Variants in PCDH15 observed in about 807,000 individuals in gnomAD.
PCDH15 encodes protocadherin related 15.
A neutral mutation model predicts 178.5 loss-of-function variants in PCDH15; 129 were observed. That is an observed-to-expected ratio of 0.72 (90% CI 0.63 to 0.84). The LOEUF is 0.84. Among genes scored for constraint, PCDH15 ranks in the 40% least tolerant of loss-of-function variants. The pLI is 0.00. For missense variants in PCDH15, 2,230 were observed against 2,099.9 expected, an observed-to-expected ratio of 1.06 and a Z score of -1.21; for synonymous variants, 800 against 732.0, an observed-to-expected ratio of 1.09 and a Z score of -1.50.
intron 3 of PCDH15, among the ~76,000 whole-genome samples, chr10:54,893,824 G>T (rs1954504878): frequency 6.6e-6 from 1 of 151,994 alleles, no homozygotes; most frequent in Non-Finnish European, 1.5e-5. Flanking sequence ...TGGAATTAAA[G>T]CTTGTTCTTC....
intron 3 of PCDH15, among the ~76,000 whole-genome samples, chr10:54,435,160 T>C (rs1310992067): frequency 6.6e-6 from 1 of 152,176 alleles, no homozygotes; most frequent in Non-Finnish European, 1.5e-5. Flanking sequence ...TTTCCTCCCT[T>C]CTATCTTCCC....
At chr10:55,578,838 A>T (rs746142295) in intron 2 of PCDH15, among the ~76,000 whole-genome samples, 6 of 152,076 alleles carry the variant, frequency 3.9e-5, no homozygotes, top group African/African-American at 7.2e-5. Flanking sequence ...AAACCATCAG[A>T]TCTCGTGAGA....
At chr10:53,936,143 A>G (rs2085552880) in intron 25 of PCDH15, among the ~76,000 whole-genome samples, 2 of 152,200 alleles carry the variant, frequency 1.3e-5, no homozygotes, top group South Asian at 4.1e-4. Context: ...TCTTGCACAA[A>G]TAAATATCAA....
chr10:53,825,105 C>T (rs2076589648), intron 32 of PCDH15: 4 of 1,524,364 alleles, frequency 2.6e-6, no homozygotes, highest in Non-Finnish European at 3.5e-6. Context: ...TTTTCTAACG[C>T]TCTTCTATTA....
At chr10:54,979,587 T>G (rs1839167701) in intron 2 of PCDH15, among the ~76,000 whole-genome samples, 1 of 146,654 alleles carries the variant, frequency 6.8e-6, no homozygotes, top group South Asian at 2.2e-4. Context: ...GAGAATCGTT[T>G]GAACCCAAGA....
intron 1 of PCDH15, among the ~76,000 whole-genome samples, chr10:54,724,416 C>G (rs1427134289): frequency 1.3e-5 from 2 of 151,442 alleles, no homozygotes; most frequent in Non-Finnish European, 3.0e-5. Flanking sequence ...TGAAAATTAC[C>G]TATTGGTTAC....
In PCDH15 at chr10:55,103,576, C is replaced by T. The variant is rs193278479; in HGVS notation, c.-80+63000G>A. ...TCTCCAGCAGAAATTTGTATTGGGC[C>T]TCATGGCTTTTGCAGCTATTTCTAT... On this transcript the variant is annotated intron_variant, in intron 2 of 5. Coordinates refer to the PCDH15 transcript ENST00000458638. Among the ~76,000 whole-genome samples, 56 of 152,186 alleles carry T rather than the reference C, an allele frequency of 3.7e-4. 1 individual carries two copies. Among genetic ancestry groups the T allele is most frequent in the Non-Finnish European group, 2.8e-4 (19 of 68,004 alleles).
At chr10:54,278,289 G>A (rs2058463210) in intron 8 of PCDH15, among the ~76,000 whole-genome samples, 1 of 151,452 alleles carries the variant, frequency 6.6e-6, no homozygotes, top group Admixed American at 6.6e-5. Context: ...AGCCATTGGT[G>A]TCATCTCTAA....
intron 9 of PCDH15, among the ~76,000 whole-genome samples, chr10:54,232,251 T>C (rs2054151849): frequency 6.6e-6 from 1 of 152,128 alleles, no homozygotes; most frequent in Non-Finnish European, 1.5e-5. Context: ...TGTTTAAAAG[T>C]GTGTAGTACC....
rs568470164 is a variant in PCDH15, at chr10:53,822,001, GTAGA to G, written c.4368-1775_4368-1772del. On this transcript the variant is annotated intron_variant, in intron 32 of 37. Coordinates refer to ENST00000644397, the MANE Select transcript of PCDH15 (RefSeq NM_001384140.1). ...GTTTGAAGTTCTGAAACATTTGTGC[GTAGA>G]TAGTTTTTTTCTATTTGACTGTACA... 2.4e-5 allele frequency: 38 copies of G among 1,613,930 alleles called. No individual in the cohort carries two copies. Among genetic ancestry groups the G allele is most frequent in the East Asian group, 1.1e-4 (5 of 44,882 alleles).
intron 2 of PCDH15, among the ~76,000 whole-genome samples, chr10:54,926,050 T>A (rs1456653061): frequency 6.6e-6 from 1 of 152,096 alleles, no homozygotes; most frequent in Non-Finnish European, 1.5e-5. Context: ...ATGCTTTCAG[T>A]CTTTGCCTAT....
chr10:54,114,101 T>C (rs551954205), intron 15 of PCDH15, among the ~76,000 whole-genome samples: 2 of 152,314 alleles, frequency 1.3e-5, no homozygotes, highest in Non-Finnish European at 2.9e-5. Context: ...AAGGTGAGAT[T>C]TGGGTGGGGA....
At chr10:55,082,158 G>A (rs1365902682) in intron 2 of PCDH15, among the ~76,000 whole-genome samples, 1 of 152,068 alleles carries the variant, frequency 6.6e-6, no homozygotes, top group Admixed American at 6.6e-5. Flanking sequence ...CATCCTCAAG[G>A]ATAGACAATA....
chr10:55,045,482 T>G (rs1840978206), intron 2 of PCDH15, among the ~76,000 whole-genome samples: 1 of 152,122 alleles, frequency 6.6e-6, no homozygotes, highest in African/African-American at 2.4e-5. Context: ...GAAGTCAATC[T>G]GTTTCACAAG....
intron 5 of PCDH15, among the ~76,000 whole-genome samples, chr10:54,357,964 G>T (rs9416320): frequency 0.11 from 16,569 of 150,422 alleles, 1,588 homozygotes; most frequent in African/African-American, 0.27. Context: ...TAGCCATATG[G>T]AGAAAGCTGA....
At chr10:55,212,456 T>G (rs11004775) in intron 1 of PCDH15, among the ~76,000 whole-genome samples, 39,421 of 151,862 alleles carry the variant, frequency 0.26, 5,390 homozygotes, top group Middle Eastern at 0.34. Flanking sequence ...GTCTGTGTCC[T>G]TGTTCTCCTT....
Position 54,082,896 on chromosome 10 carries a change from T to C in PCDH15, c.1998-3472A>G, listed in dbSNP as rs150866045. 5.2e-3 allele frequency among the ~76,000 whole-genome samples: 792 copies of C among 152,032 alleles called. 1 individual carries two copies. The highest frequency in any genetic ancestry group is 8.5e-3 in the Non-Finnish European group (576 of 67,978). ...TTTCCAGAATATATAAAGGATTACATAACTTAACATCAAAAAGAAATCCCA... is the reference window on the plus strand; with the variant it reads ...TTTCCAGAATATATAAAGGATTACACAACTTAACATCAAAAAGAAATCCCA... On this transcript the variant is annotated intron_variant, in intron 16 of 37. Transcript: ENST00000644397.
At chr10:55,212,339 C>T (rs1042522493) in intron 1 of PCDH15, among the ~76,000 whole-genome samples, 1 of 151,992 alleles carries the variant, frequency 6.6e-6, no homozygotes, top group African/African-American at 2.4e-5. Context: ...CTTCATTTTA[C>T]TGCAGATCCA....
chr10:54,167,974 ACTCT>A (rs199768002), intron 13 of PCDH15, among the ~76,000 whole-genome samples: 1 of 142,702 alleles, frequency 7.0e-6, no homozygotes, highest in African/African-American at 2.7e-5. Flanking sequence ...CTGTTTCCCT[ACTCT>A]CTCTTTTCTC....
Sources: gnomAD v4.1 joint callset for allele counts (sites outside exome capture counted in the v4.1 genomes callset) on GRCh38, gnomAD v4.1.1 for gene constraint, MANE v1.5 for transcripts, NCBI Gene and HGNC (gene_info 2026-07-23, HGNC 2026-07-21) for gene names.